SLCO3A1: variants seen among roughly 807,000 people sequenced by gnomAD.
The protein encoded by SLCO3A1 is PGE1 transporter.
In SLCO3A1, 27 loss-of-function variants were observed where a neutral mutation model predicts 63.1. The ratio of observed to expected loss-of-function variants is 0.43; its 90% CI spans 0.32 to 0.59. SLCO3A1 has a LOEUF of 0.59. Among genes scored for constraint, SLCO3A1 ranks in the 20% least tolerant of loss-of-function variants. The pLI, the probability that SLCO3A1 is intolerant of heterozygous loss-of-function variation, is 0.09. For synonymous variants in SLCO3A1, 473 were observed against 409.9 expected, an observed-to-expected ratio of 1.15 and a Z score of -1.86; for missense variants, 773 against 945.8, an observed-to-expected ratio of 0.82 and a Z score of 2.40.
rs74028342 is a variant in SLCO3A1, at chr15:91,859,002, A to G, written c.180+4914A>G. Among the ~76,000 whole-genome samples the G allele has an allele frequency of 0.022, 3,319 of 152,332 alleles. 118 individuals carry two copies. The highest frequency in any genetic ancestry group is 0.075 in the African/African-American group (3,118 of 41,552). ...AACTCGCGCAGATTTCACTACATGC[A>G]TCATTTAATAAGCATGTTTCTCTAA... On this transcript the variant is annotated intron_variant, in intron 1 of 9. Coordinates refer to ENST00000318445, the MANE Select transcript of SLCO3A1 (RefSeq NM_013272.4). The surrounding 1 kb of genome is among the most constrained non-coding windows in gnomAD (Gnocchi z 5.1).
At chr15:92,003,060 C>T (rs1353116425) in intron 2 of SLCO3A1, among the ~76,000 whole-genome samples, 7 of 152,132 alleles carry the variant, frequency 4.6e-5, no homozygotes, top group Admixed American at 2.0e-4. Flanking sequence ...TTACATTGCC[C>T]GCCTCCCCTG....
chr15:91,958,135 G>A (rs969113712), intron 2 of SLCO3A1, among the ~76,000 whole-genome samples: 2 of 152,126 alleles, frequency 1.3e-5, no homozygotes, highest in Non-Finnish European at 2.9e-5. Context: ...AGAAATTTAG[G>A]TATGTCATGA....
intron 2 of SLCO3A1, among the ~76,000 whole-genome samples, chr15:92,023,680 G>A (rs2046537222): frequency 6.6e-6 from 1 of 152,122 alleles, no homozygotes; most frequent in Non-Finnish European, 1.5e-5. Flanking sequence ...TGTTGCCCAG[G>A]CTGATCTTGA....
At chr15:91,926,588 T>C (rs1018335650) in intron 2 of SLCO3A1, among the ~76,000 whole-genome samples, 7 of 106,386 alleles carry the variant, frequency 6.6e-5, no homozygotes, top group African/African-American at 2.8e-4. Flanking sequence ...TGTGTGTGTG[T>C]GTGTGTGTGC....
intron 9 of SLCO3A1, 186 bp from the exon 10 acceptor site, chr15:92,162,570 T>C: frequency 5.3e-6 from 5 of 939,056 alleles, no homozygotes; most frequent in Non-Finnish European, 7.7e-6. Flanking sequence ...CTTGCTCAGA[T>C]TTGTACCATA....
intron 2 of SLCO3A1, among the ~76,000 whole-genome samples, chr15:91,936,565 CT>C (rs1388027765): frequency 6.6e-6 from 1 of 152,132 alleles, no homozygotes. Context: ...TATTTTGGAA[CT>C]TTTTTCCTGA....
chr15:91,934,051 G>C (rs1371911064), intron 2 of SLCO3A1, among the ~76,000 whole-genome samples: 1 of 152,078 alleles, frequency 6.6e-6, no homozygotes, highest in Non-Finnish European at 1.5e-5. Context: ...TAAAAACTTA[G>C]ACTGTTATTT....
chr15:92,001,972 G>C (rs558363544), intron 2 of SLCO3A1, among the ~76,000 whole-genome samples: 1 of 151,780 alleles, frequency 6.6e-6, no homozygotes, highest in South Asian at 2.1e-4. Context: ...CTCAATGCAG[G>C]TCCCTCCATC....
At chr15:92,166,993 G>A (rs1030265110), downstream of SLCO3A1, among the ~76,000 whole-genome samples, 1 of 152,232 alleles carries the variant, frequency 6.6e-6, no homozygotes, top group Non-Finnish European at 1.5e-5. Flanking sequence ...AGTGCATAGA[G>A]GTCAATGCAT....
At chr15:92,091,813 C>T (rs1331858520) in intron 2 of SLCO3A1, among the ~76,000 whole-genome samples, 4 of 152,198 alleles carry the variant, frequency 2.6e-5, no homozygotes, top group African/African-American at 7.2e-5. Context: ...GCGTGGGGTC[C>T]TATCAACTCC....
chr15:91,884,128 C>A (rs969331961), intron 1 of SLCO3A1, among the ~76,000 whole-genome samples: 3 of 152,160 alleles, frequency 2.0e-5, no homozygotes, highest in Non-Finnish European at 4.4e-5. Flanking sequence ...GTATTATCTT[C>A]ATTTTGTAAT....
intron 2 of SLCO3A1, among the ~76,000 whole-genome samples, chr15:92,004,201 G>A (rs966486767): frequency 1.3e-5 from 2 of 152,186 alleles, no homozygotes; most frequent in African/African-American, 4.8e-5. Flanking sequence ...GACTAGCTGG[G>A]AGTCTGGTTT....
intron 2 of SLCO3A1, among the ~76,000 whole-genome samples, chr15:92,019,977 G>A (rs1163726664): frequency 1.3e-5 from 2 of 152,190 alleles, no homozygotes; most frequent in Non-Finnish European, 2.9e-5. Flanking sequence ...GTGGAACCAT[G>A]TGGGGGAAGC....
intron 4 of SLCO3A1, among the ~76,000 whole-genome samples, chr15:92,119,797 G>A (rs1328266458): frequency 6.6e-6 from 1 of 152,144 alleles, no homozygotes; most frequent in Non-Finnish European, 1.5e-5. Flanking sequence ...TGCTACTCAG[G>A]GAATTATTAT....
chr15:91,962,132 G>A (rs941538284), intron 2 of SLCO3A1, among the ~76,000 whole-genome samples: 6 of 152,120 alleles, frequency 3.9e-5, no homozygotes, highest in Non-Finnish European at 8.8e-5. Context: ...AGAAGATGCC[G>A]CAGACTGCAG....
Position 91,853,795 on chromosome 15 carries a change from G to C in SLCO3A1, c.-114G>C. ...GACGGGGGCGGCCGCCGCGAACCCG[G>C]GGCGGGGACAGCACGCAGCCTCGAG... On this transcript the variant is annotated 5_prime_UTR_variant, in exon 1 of 10. Transcript: ENST00000318445. The C allele has an allele frequency of 2.0e-6, 2 of 1,020,252 alleles. No individual in the cohort carries two copies. The highest frequency in any genetic ancestry group is 2.4e-6 in the Non-Finnish European group (2 of 838,058). The allele number at this position is 1,020,252 out of a possible 1,614,324, so 63.2% of individuals were successfully genotyped here.
chr15:91,870,324 CTT>C (rs1028560709), intron 1 of SLCO3A1, among the ~76,000 whole-genome samples: 4 of 152,282 alleles, frequency 2.6e-5, no homozygotes, highest in African/African-American at 7.2e-5. Flanking sequence ...TAACAGAAGA[CTT>C]CAGTAAAACT....
chr15:92,077,912 C>A (rs554848698), intron 2 of SLCO3A1, among the ~76,000 whole-genome samples: 19 of 152,316 alleles, frequency 1.2e-4, no homozygotes, highest in African/African-American at 4.6e-4. Context: ...GACCTGGGCT[C>A]CTACGCAGTT....
intron 2 of SLCO3A1, among the ~76,000 whole-genome samples, chr15:91,947,994 GT>G (rs1397051158): frequency 1.3e-5 from 2 of 152,180 alleles, no homozygotes; most frequent in African/African-American, 4.8e-5. Context: ...TGTGAGAATT[GT>G]TTATCCTCCC....
Sources: gnomAD v4.1 joint callset for allele counts (sites outside exome capture counted in the v4.1 genomes callset) on GRCh38, gnomAD v4.1.1 for gene constraint, Gnocchi (gnomAD v3.1) non-coding constraint, MANE v1.5 for transcripts, NCBI Gene and HGNC (gene_info 2026-07-23, HGNC 2026-07-21) for gene names.